Variants in CACHD1 observed in about 807,000 individuals in gnomAD.
CACHD1 encodes cache domain containing 1.
In CACHD1, 71 loss-of-function variants were observed where a neutral mutation model predicts 138.7. The ratio of observed to expected loss-of-function variants is 0.51; its 90% CI spans 0.42 to 0.62. The LOEUF (loss-of-function observed/expected upper bound fraction) is 0.62. CACHD1 is among the 20% of genes least tolerant of loss of function. CACHD1 has a pLI of 0.00. For missense variants in CACHD1, 1,389 were observed against 1,625.3 expected (o/e 0.85, Z 2.50); for synonymous variants, 578 against 591.5 (o/e 0.98, Z 0.33).
At chr1:64,655,679 G>A (rs925330354) in intron 12 of CACHD1, among the ~76,000 whole-genome samples, 2 of 152,128 alleles carry the variant, frequency 1.3e-5, no homozygotes, top group African/African-American at 2.4e-5. Context: ...TAGAGAAAGC[G>A]TATCTAACAC....
At chr1:64,618,395 G>C (rs1420628463) in intron 4 of CACHD1, among the ~76,000 whole-genome samples, 1 of 152,048 alleles carries the variant, frequency 6.6e-6, no homozygotes, top group Admixed American at 6.6e-5. Flanking sequence ...CTTCTTCCAG[G>C]CTAACTACAC....
intron 4 of CACHD1, among the ~76,000 whole-genome samples, chr1:64,603,543 A>G (rs1022109095): frequency 1.3e-5 from 2 of 152,162 alleles, no homozygotes; most frequent in Admixed American, 1.3e-4. Context: ...TTATCTTTGC[A>G]ATAGGAGGTA....
chr1:64,524,096 G>A (rs903774638), intron 1 of CACHD1, among the ~76,000 whole-genome samples: 2 of 152,208 alleles, frequency 1.3e-5, no homozygotes, highest in East Asian at 1.9e-4. Context: ...GTAATGAAAC[G>A]TGAGCATTCC....
chr1:64,475,171 C>CCTT (rs758651163), intron 1 of CACHD1, among the ~76,000 whole-genome samples: 6 of 124,286 alleles, frequency 4.8e-5, no homozygotes, highest in Admixed American at 9.5e-5. Flanking sequence ...AAATTCCTTC[C>CCTT]TTTTTTTTTT....
chr1:64,550,318 G>T (rs1326427828), intron 1 of CACHD1, among the ~76,000 whole-genome samples: 2 of 152,126 alleles, frequency 1.3e-5, no homozygotes, highest in Non-Finnish European at 2.9e-5. Flanking sequence ...GGATAAAATG[G>T]CATGGACTCC....
intron 16 of CACHD1, among the ~76,000 whole-genome samples, chr1:64,669,183 G>A (rs569268902): frequency 3.3e-5 from 5 of 152,236 alleles, no homozygotes; most frequent in Non-Finnish European, 4.4e-5. Flanking sequence ...TTGTGACCTC[G>A]CTGACTTCAT....
intron 7 of CACHD1, among the ~76,000 whole-genome samples, chr1:64,638,523 C>T (rs977989726): frequency 6.6e-6 from 1 of 152,178 alleles, no homozygotes; most frequent in African/African-American, 2.4e-5. Context: ...TAACTGACAG[C>T]ATTAACATCC....
intron 1 of CACHD1, among the ~76,000 whole-genome samples, chr1:64,526,624 T>C (rs2100389896): frequency 6.6e-6 from 1 of 152,342 alleles, no homozygotes; most frequent in Admixed American, 6.5e-5. Context: ...TAAGTTAAAA[T>C]TTCAAAATTG....
chr1:64,663,066 GA>G (rs1649495451), intron 13 of CACHD1, among the ~76,000 whole-genome samples: 1 of 152,218 alleles, frequency 6.6e-6, no homozygotes, highest in South Asian at 2.1e-4. Flanking sequence ...CACACAGCCA[GA>G]AAATGGCTTT....
At chr1:64,550,698 GC>G (rs1171413104) in intron 2 of CACHD1, 42 bp downstream of exon 2, 1 of 1,352,392 alleles carries the variant, frequency 7.4e-7, no homozygotes, top group African/African-American at 1.4e-5. Context: ...TCTTTGTCTT[GC>G]TTTTAGATGT....
chr1:64,632,527 T>G, intron 5 of CACHD1, 72 bp from the exon 6 acceptor site: 2 of 1,527,228 alleles, frequency 1.3e-6, no homozygotes, highest in South Asian at 1.2e-5. Flanking sequence ...CACTGTAGTG[T>G]TCACAGCTGT....
intron 1 of CACHD1, among the ~76,000 whole-genome samples, chr1:64,537,621 G>A (rs903938971): frequency 2.0e-5 from 3 of 152,126 alleles, no homozygotes; most frequent in East Asian, 1.9e-4. Flanking sequence ...TGTCACTTCC[G>A]AAGGCTTCAG....
At chr1:64,691,296 T>C (rs772965436) in intron 26 of CACHD1, 27 bp from the exon 27 acceptor site, 12 of 1,601,960 alleles carry the variant, frequency 7.5e-6, no homozygotes, top group Non-Finnish European at 1.0e-5. Context: ...AGCTCTCAGC[T>C]GTGTGTTTGT....
intron 1 of CACHD1, among the ~76,000 whole-genome samples, chr1:64,535,243 C>T (rs909383659): frequency 6.6e-6 from 1 of 152,066 alleles, no homozygotes; most frequent in Admixed American, 6.5e-5. Flanking sequence ...TCTTCCCTCT[C>T]CCTCCGTCTT....
chr1:64,533,247 A>G (rs1646603473), intron 1 of CACHD1, among the ~76,000 whole-genome samples: 1 of 152,162 alleles, frequency 6.6e-6, no homozygotes, highest in South Asian at 2.1e-4. Context: ...CCCCAGCTAC[A>G]TGGGAGGCTG....
intron 1 of CACHD1, among the ~76,000 whole-genome samples, chr1:64,508,015 G>A (rs1291722773): frequency 3.9e-5 from 6 of 152,182 alleles, no homozygotes; most frequent in Non-Finnish European, 7.3e-5. Flanking sequence ...TACAGAAAAC[G>A]TGGCTGAGGA....
chr1:64,635,050 G>A (rs1196738974), intron 7 of CACHD1, among the ~76,000 whole-genome samples: 3 of 147,998 alleles, frequency 2.0e-5, no homozygotes, highest in East Asian at 2.0e-4. Flanking sequence ...TGTTGTCTTC[G>A]TCATCATCTA....
chr1:64,657,476 A>T (rs1649304835), intron 12 of CACHD1, among the ~76,000 whole-genome samples: 1 of 152,218 alleles, frequency 6.6e-6, no homozygotes, highest in Non-Finnish European at 1.5e-5. Context: ...ACAACATAGG[A>T]AAACAAACTT....
intron 16 of CACHD1, among the ~76,000 whole-genome samples, chr1:64,667,911 C>T (rs1232679483): frequency 4.6e-5 from 7 of 152,086 alleles, no homozygotes; most frequent in African/African-American, 1.7e-4. Flanking sequence ...TGTGTATGTA[C>T]GTTTACATGT....
Sources: allele counts gnomAD v4.1 joint callset (sites outside exome capture counted in the v4.1 genomes callset), GRCh38; gene constraint gnomAD v4.1.1; transcripts MANE v1.5; gene names NCBI Gene and HGNC (gene_info 2026-07-23, HGNC 2026-07-21).